Variants in BCAT1 observed in about 807,000 individuals in gnomAD.
BCAT1 encodes branched chain amino acid transaminase 1.
A neutral mutation model predicts 52.4 loss-of-function variants in BCAT1; 48 were observed. That is an observed-to-expected ratio of 0.92 (90% CI 0.73 to 1.16). BCAT1 has a LOEUF of 1.16. BCAT1 is among the 50% of genes most tolerant of loss of function. The pLI, the probability that BCAT1 is intolerant of heterozygous loss-of-function variation, is 0.00. For missense variants in BCAT1, 451 were observed against 457.1 expected, an observed-to-expected ratio of 0.99 and a Z score of 0.12; for synonymous variants, 167 against 161.3, an observed-to-expected ratio of 1.04 and a Z score of -0.27.
chr12:24,916,809 G>C lies in BCAT1; in HGVS notation c.7-14924C>G, dbSNP rs1385719421. On this transcript the variant is annotated intron_variant, in intron 1 of 10. Coordinates refer to ENST00000261192, the MANE Select transcript of BCAT1 (RefSeq NM_005504.7). ...CGGCCTCGCCCTCCCAAGGTGCTGG[G>C]ATTACAGGCATGAGCCACCATGCAC... Among the ~76,000 whole-genome samples, 3 of 152,222 alleles carry C rather than the reference G, an allele frequency of 2.0e-5. No homozygotes were observed. In the East Asian group the frequency reaches 5.8e-4, roughly 29 times the overall value.
intron 3 of BCAT1, among the ~76,000 whole-genome samples, chr12:24,890,981 G>C (rs1056044120): frequency 6.6e-6 from 1 of 152,112 alleles, no homozygotes; most frequent in Non-Finnish European, 1.5e-5. Flanking sequence ...GCTTGGTGGT[G>C]GGGAGAAATC....
intron 2 of BCAT1, among the ~76,000 whole-genome samples, chr12:24,897,212 T>C (rs776900267): frequency 6.6e-6 from 1 of 152,194 alleles, no homozygotes; most frequent in Non-Finnish European, 1.5e-5. Flanking sequence ...GTGACAAGAA[T>C]GATTATGATC....
chr12:24,945,860 G>A (rs1943926853), intron 1 of BCAT1: 1 of 152,126 alleles, frequency 6.6e-6, no homozygotes, highest in African/African-American at 2.4e-5. Context: ...GCATCATATA[G>A]AAAGTAGAGG....
intron 3 of BCAT1, among the ~76,000 whole-genome samples, chr12:24,882,802 T>C (rs1309237512): frequency 6.6e-6 from 1 of 152,046 alleles, no homozygotes; most frequent in Non-Finnish European, 1.5e-5. Flanking sequence ...GGTTTTGCCA[T>C]GTTGCCTAGG....
chr12:24,937,426 G>T (rs996917952), intron 1 of BCAT1, among the ~76,000 whole-genome samples: 2 of 152,210 alleles, frequency 1.3e-5, no homozygotes, highest in African/African-American at 4.8e-5. Flanking sequence ...GAGCATGGTG[G>T]GGACTTTAGC....
chr12:24,894,716 GA>G (rs1383457630), intron 2 of BCAT1, among the ~76,000 whole-genome samples: 1 of 152,156 alleles, frequency 6.6e-6, no homozygotes, highest in Non-Finnish European at 1.5e-5. Flanking sequence ...GTGATATATA[GA>G]AGAGGGACAA....
intron 1 of BCAT1, among the ~76,000 whole-genome samples, chr12:24,941,573 T>C (rs1260815384): frequency 6.6e-6 from 1 of 152,166 alleles, no homozygotes; most frequent in African/African-American, 2.4e-5. Context: ...AACCAATATC[T>C]GTAAAGCACC....
At chr12:24,866,406 G>T (rs1043359602) in intron 5 of BCAT1, among the ~76,000 whole-genome samples, 2 of 152,368 alleles carry the variant, frequency 1.3e-5, no homozygotes, top group East Asian at 3.9e-4. Flanking sequence ...ATCCTGTGCG[G>T]CCTGAGTCTC....
At chr12:24,892,741 T>C (rs1354999753) in intron 3 of BCAT1, among the ~76,000 whole-genome samples, 2 of 152,026 alleles carry the variant, frequency 1.3e-5, no homozygotes, top group Admixed American at 6.6e-5. Flanking sequence ...TGGTCCCAGC[T>C]ACTCAGGAGG....
intron 6 of BCAT1, among the ~76,000 whole-genome samples, chr12:24,848,482 G>C (rs757497505): frequency 6.6e-6 from 1 of 152,104 alleles, no homozygotes; most frequent in Non-Finnish European, 1.5e-5. Context: ...CCCAAATACC[G>C]GTTAATAAAG....
chr12:24,842,945 T>C (rs1249471292), intron 6 of BCAT1, among the ~76,000 whole-genome samples: 1 of 152,138 alleles, frequency 6.6e-6, no homozygotes, highest in African/African-American at 2.4e-5. Flanking sequence ...TATGGGAAAA[T>C]TATGGAGTAT....
chr12:24,847,007 A>G (rs1196628453), intron 6 of BCAT1, among the ~76,000 whole-genome samples: 1 of 152,178 alleles, frequency 6.6e-6, no homozygotes. Context: ...TCCTAAACCC[A>G]AGCTTTTAAC....
At chr12:24,904,955 G>A (rs1322846088) in intron 1 of BCAT1, among the ~76,000 whole-genome samples, 1 of 152,252 alleles carries the variant, frequency 6.6e-6, no homozygotes, top group Non-Finnish European at 1.5e-5. Context: ...GAAAGGCCTG[G>A]AAAGGCTTTC....
chr12:24,885,513 A>T (rs1160477086), intron 3 of BCAT1, among the ~76,000 whole-genome samples: 1 of 152,192 alleles, frequency 6.6e-6, no homozygotes, highest in Non-Finnish European at 1.5e-5. Context: ...AGGGCACTTT[A>T]TTTTCTTTTA....
rs140495315 is a variant in BCAT1, at chr12:24,848,726, CCT to C, written c.674+1058_674+1059del. ...AAGAGTCAAAAAAAGGAGTTTTCAA[CCT>C]GGCTAGCCTAGGACACAGGAAGGTG... On this transcript the variant is annotated intron_variant, in intron 6 of 10. Coordinates refer to ENST00000261192, the MANE Select transcript of BCAT1 (RefSeq NM_005504.7). Among the ~76,000 whole-genome samples, 320 of 152,300 alleles carry C rather than the reference CCT, an allele frequency of 2.1e-3. 3 individuals are homozygous for C. Among genetic ancestry groups the C allele is most frequent in the African/African-American group, 7.5e-3 (312 of 41,556 alleles).
intron 3 of BCAT1, among the ~76,000 whole-genome samples, chr12:24,886,133 G>A (rs1381971244): frequency 1.3e-5 from 2 of 152,158 alleles, no homozygotes; most frequent in African/African-American, 4.8e-5. Flanking sequence ...ATATGAAAAG[G>A]CGAGCTGGGA....
chr12:24,924,026 G>T (rs1251082350), intron 1 of BCAT1, among the ~76,000 whole-genome samples: 1 of 152,184 alleles, frequency 6.6e-6, no homozygotes, highest in Non-Finnish European at 1.5e-5. Flanking sequence ...TAATCTGCAT[G>T]ATGGCATAAT....
At chr12:24,902,067 G>T (rs745365223) in intron 1 of BCAT1, 182 bp from the exon 2 acceptor site, 53 of 1,523,722 alleles carry the variant, frequency 3.5e-5, no homozygotes, top group Non-Finnish European at 4.6e-5. Context: ...TCTTGGGAGC[G>T]CTGCCCTGCA....
Position 24,811,523 on chromosome 12 carries a change from T to C in BCAT1, c.*6485A>G, listed in dbSNP as rs1054361060. 4 of 152,146 alleles carry C rather than the reference T, an allele frequency of 2.6e-5. No individual in the cohort carries two copies. Among genetic ancestry groups the C allele is most frequent in the African/African-American group, 9.7e-5 (4 of 41,446 alleles). The allele number at this position is 152,146 out of a possible 1,614,324, so 9.4% of individuals were successfully genotyped here. On this transcript the variant is annotated 3_prime_UTR_variant, in exon 11 of 11. Coordinates refer to ENST00000261192, the MANE Select transcript of BCAT1 (RefSeq NM_005504.7). ...AGTTCTTCACACCAGATGGCTCTGG[T>C]GTAACAAAGCCATTTTAGATGTTTA...
Sources: allele counts gnomAD v4.1 joint callset (sites outside exome capture counted in the v4.1 genomes callset), GRCh38; gene constraint gnomAD v4.1.1; transcripts MANE v1.5; gene names NCBI Gene and HGNC (gene_info 2026-07-23, HGNC 2026-07-21).